SPIRE2: variants seen among roughly 807,000 people sequenced by gnomAD.
SPIRE2 encodes protein spire homolog 2.
SPIRE2 carries 76 observed loss-of-function variants against 80.7 expected under a neutral mutation model. The ratio of observed to expected loss-of-function variants is 0.94; its 90% CI spans 0.78 to 1.14. The LOEUF is 1.14. Among genes scored for constraint, SPIRE2 ranks in the 50% most tolerant of loss-of-function variants. The probability of loss-of-function intolerance (pLI) is 0.00; values close to 1 mark genes in which losing one functional copy is unlikely to be tolerated. For synonymous variants in SPIRE2, 535 were observed against 432.6 expected, an observed-to-expected ratio of 1.24 and a Z score of -2.94; for missense variants, 1,196 against 1,015.3, an observed-to-expected ratio of 1.18 and a Z score of -2.42.
At chr16:89,853,985 G>A (rs1366983234) in intron 3 of SPIRE2, among the ~76,000 whole-genome samples, 1 of 152,260 alleles carries the variant, frequency 6.6e-6, no homozygotes, top group Non-Finnish European at 1.5e-5. Context: ...CAGCGTAAAG[G>A]CCTGGCTGGG....
chr16:89,850,138 G>T, intron 2 of SPIRE2, 166 bp from the exon 3 acceptor site: 1 of 731,556 alleles, frequency 1.4e-6, no homozygotes, highest in Non-Finnish European at 2.4e-6. Flanking sequence ...GCCCGGCCGG[G>T]AACATCCTTT....
intron 6 of SPIRE2, 155 bp from the exon 7 acceptor site, chr16:89,855,958 A>C: frequency 7.5e-7 from 1 of 1,337,854 alleles, no homozygotes; most frequent in Non-Finnish European, 1.0e-6. Flanking sequence ...TGGGAGCAGC[A>C]CTCCCTCCGG....
intron 1 of SPIRE2, among the ~76,000 whole-genome samples, chr16:89,833,043 T>A (rs2143774630): frequency 6.7e-6 from 1 of 148,300 alleles, no homozygotes. Context: ...TAGGCTGGAG[T>A]GCAATGCCGT....
chr16:89,869,998 G>T (rs1040481331), intron 14 of SPIRE2, 52 bp from the exon 15 acceptor site: 153 of 1,502,428 alleles, frequency 1.0e-4, no homozygotes, highest in Non-Finnish European at 1.3e-4. Context: ...AGGGAGGGGG[G>T]TGTGGCACCC....
At position 89,850,414 on chromosome 16, in the gene SPIRE2, C is replaced by T. The variant is rs1208909139; in HGVS notation, c.399C>T (p.Ala133=). 1 of 1,592,526 alleles carries T rather than the reference C, an allele frequency of 6.3e-7. No homozygotes were observed. Among genetic ancestry groups the T allele is most frequent in the South Asian group, 1.1e-5 (1 of 88,200 alleles). The change falls in exon 3 of 15, where the codon GCC becomes GCT. Residue 133 remains alanine, a synonymous_variant. Coordinates refer to ENST00000378247, the MANE Select transcript of SPIRE2 (RefSeq NM_032451.2). Reference sequence around the variant, plus strand: ...TGGAGCGGCTCATCGACCTCATGGCCAACAACGACAGCGAGGACAGCGGCT... The same window carrying T: ...TGGAGCGGCTCATCGACCTCATGGCTAACAACGACAGCGAGGACAGCGGCT... ...PQLERLIDLM[A]NNDSEDSGCG... is the part of the protein sequence containing the mutation.
In SPIRE2 at chr16:89,828,753, G is replaced by A; in HGVS notation, c.203G>A (p.Arg68His). The A allele has an allele frequency of 8.3e-7, 1 of 1,205,964 alleles. No individual in the cohort carries two copies. The highest frequency in any genetic ancestry group is 3.5e-5 in the East Asian group (1 of 28,580). 74.7% of individuals were successfully genotyped at this position (1,205,964 alleles called of 1,614,324 possible). ...CGGGATACCGGGGACCTCCTGCTGC[G>A]CGGGGACGGCTCGGTCGGGGCGCGG... ...RLRDTGDLLL[R>H]GDGSVGAREP... The change falls in exon 1 of 15, where the codon CGC becomes CAC. Residue 68 changes from arginine (R) to histidine (H), a missense_variant. Coordinates refer to ENST00000378247, the MANE Select transcript of SPIRE2 (RefSeq NM_032451.2). The surrounding 1 kb of genome is among the most constrained non-coding windows in gnomAD (Gnocchi z 5.9).
In SPIRE2 at chr16:89,870,205, C is replaced by A; in HGVS notation, c.2078C>A (p.Thr693Lys). Residue 693 changes from threonine (T) to lysine (K), a missense_variant, in exon 15 of 15, where the codon ACG (threonine) becomes AAG (lysine). Coordinates refer to ENST00000378247, the MANE Select transcript of SPIRE2 (RefSeq NM_032451.2). ...AAGAGCGTGGACGTCCTCAACACTA[C>A]GCCACGACGCAGTCGCCAGACCCAA... ...SRKSVDVLNT[T>K]PRRSRQTQSL... 1 of 1,608,716 alleles carries A rather than the reference C, an allele frequency of 6.2e-7. No individual in the cohort carries two copies. Among genetic ancestry groups the A allele is most frequent in the Non-Finnish European group, 8.5e-7 (1 of 1,177,746 alleles).
chr16:89,861,042 C>A (rs2041739993), intron 10 of SPIRE2, among the ~76,000 whole-genome samples: 1 of 152,106 alleles, frequency 6.6e-6, no homozygotes, highest in African/African-American at 2.4e-5. Flanking sequence ...GAGCCTGGTC[C>A]CTAATTGAAG....
intron 13 of SPIRE2, among the ~76,000 whole-genome samples, chr16:89,869,053 A>AAAAAAAAAATAT: frequency 4.2e-5 from 1 of 24,030 alleles, no homozygotes; most frequent in African/African-American, 1.6e-4. Flanking sequence ...AAAAAAAAAA[A>AAAAAAAAAATAT]ATATATATAT....
At chr16:89,858,028 G>GGC (rs2041707754) in intron 7 of SPIRE2, among the ~76,000 whole-genome samples, 1 of 151,734 alleles carries the variant, frequency 6.6e-6, no homozygotes, top group Non-Finnish European at 1.5e-5. Context: ...GACTACAGGC[G>GGC]CGTGCCACCA....
chr16:89,831,399 CTTT>C (rs59083711), intron 1 of SPIRE2, among the ~76,000 whole-genome samples: 3 of 131,866 alleles, frequency 2.3e-5, no homozygotes, highest in African/African-American at 2.7e-5. Context: ...TTCTTTCTTT[CTTT>C]TTTTTTTTTT....
chr16:89,850,278 C>T, intron 2 of SPIRE2, 26 bp from the exon 3 acceptor site: 1 of 1,593,542 alleles, frequency 6.3e-7, no homozygotes, highest in East Asian at 2.3e-5. Context: ...GCAGTACCGC[C>T]CAGTGACCGC....
chr16:89,853,280 G>T (rs918824670), intron 3 of SPIRE2, among the ~76,000 whole-genome samples: 3 of 150,968 alleles, frequency 2.0e-5, no homozygotes, highest in African/African-American at 7.3e-5. Flanking sequence ...TGGGGTTACA[G>T]CTATGAGCCA....
intron 7 of SPIRE2, among the ~76,000 whole-genome samples, chr16:89,856,927 G>T (rs1310303021): frequency 6.6e-6 from 1 of 151,734 alleles, no homozygotes. Context: ...TTAGCCAGGT[G>T]TGGTGGCACA....
chr16:89,863,942 C>T lies in SPIRE2; in HGVS notation c.1778+81C>T. ...GGGGCAGTACCGCCCACAGAACTTC[C>T]TGTGATTCCAGGAATGTTCTAGCAT... On this transcript the variant is annotated intron_variant, in intron 12 of 14. Transcript: ENST00000378247. The surrounding 1 kb of genome is among the most constrained non-coding windows in gnomAD (Gnocchi z 4.3). The T allele has an allele frequency of 9.4e-7, 1 of 1,064,958 alleles. No homozygotes were observed. Among genetic ancestry groups the T allele is most frequent in the African/African-American group, 1.6e-5 (1 of 63,392 alleles). The allele number at this position is 1,064,958 out of a possible 1,614,324, so 66.0% of individuals were successfully genotyped here.
intron 1 of SPIRE2, among the ~76,000 whole-genome samples, chr16:89,842,738 C>T (rs1375691025): frequency 2.6e-5 from 4 of 152,240 alleles, no homozygotes; most frequent in Non-Finnish European, 5.9e-5. Context: ...GGTCTGATGT[C>T]TTCCACCTTC....
chr16:89,837,134 T>TCGA (rs2041457979), intron 1 of SPIRE2, among the ~76,000 whole-genome samples: 1 of 152,154 alleles, frequency 6.6e-6, no homozygotes, highest in African/African-American at 2.4e-5. Flanking sequence ...CGAGCAGGAC[T>TCGA]CGAGGCTCCG....
In SPIRE2 at chr16:89,858,428, G is replaced by GCAGCGCC. The variant is rs1567676788; in HGVS notation, c.1202_1208dup (p.Arg404AlafsTer15). ...AACCTGTCAGTCACAGATGCTGGGG[G>GCAGCGCC]CAGCGCCCAGCGCCCGCGGCCCCGC... On this transcript the variant is annotated frameshift_variant, in exon 8 of 15. Coordinates refer to ENST00000378247, the MANE Select transcript of SPIRE2 (RefSeq NM_032451.2). LOFTEE classifies it high-confidence loss of function. 2 of 1,611,778 alleles carry GCAGCGCC rather than the reference G, an allele frequency of 1.2e-6. No individual in the cohort carries two copies. Among genetic ancestry groups the GCAGCGCC allele is most frequent in the East Asian group, 2.2e-5 (1 of 44,846 alleles).
chr16:89,867,917 C>G (rs539966657), intron 12 of SPIRE2, among the ~76,000 whole-genome samples: 1 of 152,300 alleles, frequency 6.6e-6, no homozygotes, highest in East Asian at 1.9e-4. Flanking sequence ...TACTCTATAT[C>G]CTACCACTTG....
Sources: gnomAD v4.1 joint callset for allele counts (sites outside exome capture counted in the v4.1 genomes callset) on GRCh38, gnomAD v4.1.1 for gene constraint, Gnocchi (gnomAD v3.1) non-coding constraint, MANE v1.5 for transcripts, NCBI Gene and HGNC (gene_info 2026-07-23, HGNC 2026-07-21) for gene names.